Variants in KRT25 observed in about 807,000 individuals in gnomAD.
The protein encoded by KRT25 is keratin 25.
A neutral mutation model predicts 47.6 loss-of-function variants in KRT25; 37 were observed. That is an observed-to-expected ratio of 0.78 (90% confidence interval 0.60 to 1.02). The LOEUF (loss-of-function observed/expected upper bound fraction) is 1.02, where lower values mean the gene tolerates loss of function less well. Among genes scored for constraint, KRT25 ranks in the 50% least tolerant of loss-of-function variants. KRT25 has a pLI of 0.00. For synonymous variants in KRT25, 203 were observed against 210.2 expected, an observed-to-expected ratio of 0.97 and a Z score of 0.30; for missense variants, 542 against 550.3, an observed-to-expected ratio of 0.98 and a Z score of 0.15.
chr17:40,753,645 T>A (rs1202951629), intron 3 of KRT25, among the ~76,000 whole-genome samples: 1 of 118,024 alleles, frequency 8.5e-6, no homozygotes, highest in African/African-American at 3.3e-5. Flanking sequence ...GATCGCACCA[T>A]TGCACTTCAG....
In KRT25 at chr17:40,751,303, T is replaced by C. The variant is rs1479741285; in HGVS notation, c.693A>G (p.Ala231=). Residue 231 remains alanine, a synonymous_variant, in exon 4 of 8, where the codon GCA becomes GCG. Coordinates refer to ENST00000312150, the MANE Select transcript of KRT25 (RefSeq NM_181534.4). Reference sequence around the variant, plus strand: ...TCTCCACGTTCACGTTGCCTCCAGCTGCGCACTGCAGAACTTGCATTTCCT... The same window carrying C: ...TCTCCACGTTCACGTTGCCTCCAGCCGCGCACTGCAGAACTTGCATTTCCT... ...HKEEMQVLQC[A]AGGNVNVEMN... The C allele has an allele frequency of 1.9e-6, 3 of 1,613,114 alleles. No individual in the cohort carries two copies. Among genetic ancestry groups the C allele is most frequent in the South Asian group, 1.1e-5 (1 of 90,912 alleles).
Position 40,751,285 on chromosome 17 carries a change from G to A in KRT25, c.711C>T (p.Asn237=), listed in dbSNP as rs2038045045. Residue 237 remains asparagine, a synonymous_variant, in exon 4 of 8, where the codon AAC becomes AAT. Coordinates refer to ENST00000312150, the MANE Select transcript of KRT25 (RefSeq NM_181534.4). ...VLQCAAGGNV[N]VEMNAAPGVD... ...CCCCGGGGGCTGCGTTCATCTCCAC[G>A]TTCACGTTGCCTCCAGCTGCGCACT... The A allele has an allele frequency of 5.6e-6, 9 of 1,613,950 alleles. No individual in the cohort carries two copies. The highest frequency in any genetic ancestry group is 6.8e-6 in the Non-Finnish European group (8 of 1,179,928).
At position 40,751,225 on chromosome 17, in the gene KRT25, A is replaced by C. The variant is rs1185266419; in HGVS notation, c.771T>G (p.Ala257=). 1 of 1,614,008 alleles carries C rather than the reference A, an allele frequency of 6.2e-7. No homozygotes were observed. Among genetic ancestry groups the C allele is most frequent in the Non-Finnish European group, 8.5e-7 (1 of 1,179,960 alleles). ...DLTVLLNNMR[A]EYEALAEQNR... Reference sequence around the variant, plus strand: ...TCTGCTCTGCAAGGGCTTCGTACTCAGCTCGCATGTTGTTCAGCAGAACTG... The same window carrying C: ...TCTGCTCTGCAAGGGCTTCGTACTCCGCTCGCATGTTGTTCAGCAGAACTG... The change falls in exon 4 of 8, where the codon GCT becomes GCG. Residue 257 remains alanine (A), a synonymous_variant. Coordinates refer to ENST00000312150, the MANE Select transcript of KRT25 (RefSeq NM_181534.4).
chr17:40,748,718 C>A (rs538227235), intron 7 of KRT25, among the ~76,000 whole-genome samples: 2 of 152,082 alleles, frequency 1.3e-5, no homozygotes, highest in African/African-American at 2.4e-5. Flanking sequence ...GGTATATATA[C>A]CCAGAGGAAT....
At position 40,748,389 on chromosome 17, in the gene KRT25, G is replaced by C. The variant is rs773863906; in HGVS notation, c.1244-3C>G. On this transcript the variant is annotated splice_polypyrimidine_tract_variant and splice_region_variant and intron_variant, in intron 7 of 7. Transcript: ENST00000312150. The stretch of plus-strand genomic sequence containing the variant: ...AACCACTATGGCTTTGGCTGGGTCT[G>C]AGCATTAAAAATTAAAAGGAGATTT... 1 of 1,579,278 alleles carries C rather than the reference G, an allele frequency of 6.3e-7. No homozygotes were observed. The highest frequency in any genetic ancestry group is 8.6e-7 in the Non-Finnish European group (1 of 1,163,128).
At chr17:40,749,124 T>A (rs939667288) in intron 7 of KRT25, 134 bp downstream of exon 7, 13 of 673,544 alleles carry the variant, frequency 1.9e-5, no homozygotes, top group Middle Eastern at 2.8e-4. Context: ...TCCTGGATGA[T>A]CAAATAATAT....
intron 3 of KRT25, among the ~76,000 whole-genome samples, chr17:40,751,768 A>C (rs1484819752): frequency 1.3e-5 from 2 of 152,146 alleles, no homozygotes; most frequent in African/African-American, 4.8e-5. Context: ...GTGTTAACTC[A>C]GCTACACCCT....
chr17:40,755,124 C>T lies in KRT25; in HGVS notation c.148G>A (p.Gly50Arg), dbSNP rs763795988. ...GTGTTTCCTCCCGATGAGCTGCCTC[C>T]GAAGGCACTAGAGAAGCCACTTCCA... ...GIGSGFSSAF[G>R]GSSSGGNTGG... is the part of the protein sequence containing the mutation. The change falls in exon 1 of 8, where the codon GGA becomes AGA. Residue 50 changes from glycine (G) to arginine (R), a missense_variant. Transcript: ENST00000312150. 2.0e-5 allele frequency: 33 copies of T among 1,614,140 alleles called. No homozygotes were observed. The highest frequency in any genetic ancestry group is 1.5e-4 in the African/African-American group (11 of 75,032).
At chr17:40,750,170 T>C (rs2038032535) in intron 6 of KRT25, among the ~76,000 whole-genome samples, 1 of 152,244 alleles carries the variant, frequency 6.6e-6, no homozygotes, top group Non-Finnish European at 1.5e-5. Context: ...ATATTTTCAA[T>C]GTTCATATCT....
chr17:40,753,285 C>A (rs1318983886), intron 3 of KRT25, among the ~76,000 whole-genome samples: 1 of 151,750 alleles, frequency 6.6e-6, no homozygotes, highest in Non-Finnish European at 1.5e-5. Flanking sequence ...AATTACACAG[C>A]CAAACACTGC....
Position 40,749,270 on chromosome 17 carries a change from T to C in KRT25, c.1231A>G (p.Ser411Gly), listed in dbSNP as rs778376452. 4.3e-6 allele frequency: 7 copies of C among 1,612,534 alleles called. No homozygotes were observed. The East Asian group carries it at 1.6e-4, about 36-fold the overall frequency. Reference protein sequence around the residue: ...SKDYGSGNVGSQVKDPAKAIV... With the variant: ...SKDYGSGNVGGQVKDPAKAIV... ...TCATTTTAATTACCTTTGACTTGAC[T>C]TCCCACATTTCCAGATCCATAATCT... The change falls in exon 7 of 8, where the codon AGT (serine) becomes GGT (glycine). Residue 411 changes from serine to glycine, a missense_variant. Coordinates refer to ENST00000312150, the MANE Select transcript of KRT25 (RefSeq NM_181534.4).
chr17:40,753,683 CAAAAAAAAAAAAAAAAAAAAAA>C (rs60610884), intron 3 of KRT25, among the ~76,000 whole-genome samples, 155 bp downstream of exon 3: 390 of 30,458 alleles, frequency 0.013, 6 homozygotes, highest in African/African-American at 0.02. Flanking sequence ...GACTCCGTCT[CAAAAAAAAAAAAAAAAAAAAAA>C]AAAAAAAAAA....
Position 40,754,926 on chromosome 17 carries a change from C to A in KRT25, c.346G>T (p.Glu116Ter), listed in dbSNP as rs773734449. Reference protein sequence around the residue: ...DLEQKIKGWYEKFGPGSCRGL... With the variant: ...DLEQKIKGWY ...CGGCAAGAGCCAGGCCCAAATTTCT[C>A]ATACCAGCCCTTGATCTTCTGCTCC... The change falls in exon 1 of 8, where the codon GAG (glutamate) becomes TAG (stop). Residue 116 changes from glutamate to a stop codon, truncating the protein, a stop_gained. Coordinates refer to ENST00000312150, the MANE Select transcript of KRT25 (RefSeq NM_181534.4). LOFTEE classifies it high-confidence loss of function. The A allele has an allele frequency of 1.2e-6, 2 of 1,614,090 alleles. No homozygotes were observed. Among genetic ancestry groups the A allele is most frequent in the Non-Finnish European group, 1.7e-6 (2 of 1,180,040 alleles).
chr17:40,755,405 A>G (rs1182161708), upstream of KRT25: 18 of 790,894 alleles, frequency 2.3e-5, no homozygotes, highest in Admixed American at 5.9e-5. Context: ...GCCTACACAG[A>G]GTAAAACATG....
chr17:40,750,808 T>C, intron 5 of KRT25, 146 bp downstream of exon 5: 2 of 1,217,754 alleles, frequency 1.6e-6, no homozygotes, highest in South Asian at 1.5e-5. Context: ...GTTTTAGGTG[T>C]CAGCTATACA....
intron 3 of KRT25, among the ~76,000 whole-genome samples, chr17:40,752,770 G>A (rs1385265160): frequency 6.6e-6 from 1 of 152,100 alleles, no homozygotes; most frequent in Non-Finnish European, 1.5e-5. Flanking sequence ...TATTCAAGTA[G>A]TTATATTTAT....
intron 3 of KRT25, among the ~76,000 whole-genome samples, chr17:40,753,113 G>A (rs2038065471): frequency 6.6e-6 from 1 of 152,184 alleles, no homozygotes; most frequent in Non-Finnish European, 1.5e-5. Flanking sequence ...TATACTTAAT[G>A]TGTGTATGAA....
intron 5 of KRT25, 143 bp from the exon 6 acceptor site, chr17:40,750,740 T>C: frequency 7.5e-7 from 1 of 1,332,566 alleles, no homozygotes; most frequent in Non-Finnish European, 1.0e-6. Flanking sequence ...TCTGTGATAC[T>C]GCTTGAAAAT....
At chr17:40,751,431 A>G in intron 3 of KRT25, 105 bp from the exon 4 acceptor site, 1 of 1,303,536 alleles carries the variant, frequency 7.7e-7, no homozygotes, top group Non-Finnish European at 1.0e-6. Flanking sequence ...TTCCCCTCCC[A>G]GGCTGTGCAT....
Sources: gnomAD v4.1 joint callset for allele counts (sites outside exome capture counted in the v4.1 genomes callset) on GRCh38, gnomAD v4.1.1 for gene constraint, MANE v1.5 for transcripts, NCBI Gene and HGNC (gene_info 2026-07-23, HGNC 2026-07-21) for gene names.